PCDH11X: variants seen among roughly 807,000 people sequenced by gnomAD.
PCDH11X encodes protocadherin 11 X-linked.
Under a neutral mutation model 53.3 loss-of-function variants are expected in PCDH11X, and 18 were observed. The observed-to-expected ratio is 0.34, with a 90% CI of 0.23 to 0.50. PCDH11X has a LOEUF of 0.50. Among genes scored for constraint, PCDH11X ranks in the 20% least tolerant of loss-of-function variants. PCDH11X has a pLI of 0.98. For synonymous variants in PCDH11X, 279 were observed against 393.3 expected (o/e 0.71, Z 3.44); for missense variants, 570 against 1,032.4 (o/e 0.55, Z 6.14).
At chrX:91,841,552 T>A (rs1370235761) in intron 5 of PCDH11X, among the ~76,000 whole-genome samples, 2 of 111,297 alleles carry the variant, frequency 1.8e-5, no homozygotes, top group African/African-American at 6.5e-5. Context: ...TAAATAAAAA[T>A]AAATTTGAAC....
chrX:91,882,830 A>G lies in PCDH11X; in HGVS notation c.3033+3557A>G, dbSNP rs376116079. ...TATTTTGGTAATGCAAATTTTAACCATGAAGCATGCTTGGCAAATGAAACT... is the reference window on the plus strand; with the variant it reads ...TATTTTGGTAATGCAAATTTTAACCGTGAAGCATGCTTGGCAAATGAAACT... On this transcript the variant is annotated intron_variant, in intron 6 of 10. Transcript: ENST00000682573. The G allele has an allele frequency of 8.5e-5, 98 of 1,153,833 alleles. No homozygotes were observed. In the African/African-American group the frequency reaches 1.3e-3, roughly 15 times the overall value.
intron 6 of PCDH11X, among the ~76,000 whole-genome samples, chrX:92,102,739 C>G (rs984837821): frequency 9.0e-6 from 1 of 110,950 alleles, no homozygotes. Context: ...AGATCTAGAA[C>G]AGAATAATGG....
intron 8 of PCDH11X, among the ~76,000 whole-genome samples, chrX:92,361,670 C>T (rs981863650): frequency 1.8e-5 from 2 of 108,351 alleles, no homozygotes; most frequent in Non-Finnish European, 3.8e-5. Flanking sequence ...ATACAGATAA[C>T]ATAAAACTTA....
At chrX:92,249,706 G>T (rs2067421346) in intron 7 of PCDH11X, among the ~76,000 whole-genome samples, 1 of 112,162 alleles carries the variant, frequency 8.9e-6, no homozygotes, top group Admixed American at 9.5e-5. Context: ...TTTTGTCCCT[G>T]TTAAGCTTTG....
chrX:92,147,848 TTTC>T (rs1207515193), intron 6 of PCDH11X, among the ~76,000 whole-genome samples: 1 of 101,701 alleles, frequency 9.8e-6, no homozygotes, highest in African/African-American at 3.7e-5. Context: ...TCTTTCTTTC[TTTC>T]TTTTTTCTTT....
At chrX:91,890,082 T>C (rs1701714146) in intron 6 of PCDH11X, among the ~76,000 whole-genome samples, 1 of 104,967 alleles carries the variant, frequency 9.5e-6, no homozygotes, top group Non-Finnish European at 1.9e-5. Flanking sequence ...GAAGTTAATA[T>C]ACCTAATTGT....
intron 6 of PCDH11X, among the ~76,000 whole-genome samples, chrX:92,182,576 C>A (rs1278429703): frequency 2.7e-5 from 3 of 111,210 alleles, no homozygotes; most frequent in Non-Finnish European, 5.7e-5. Flanking sequence ...TGGGAAGGAC[C>A]CAGTGGGAAG....
At chrX:92,480,962 G>A (rs945412007) in intron 10 of PCDH11X, among the ~76,000 whole-genome samples, 4 of 110,844 alleles carry the variant, frequency 3.6e-5, no homozygotes, top group African/African-American at 9.9e-5. Context: ...TGGCTCTCTA[G>A]GATGGGGATC....
chrX:92,074,359 A>G (rs2063745196), intron 6 of PCDH11X, among the ~76,000 whole-genome samples: 1 of 110,716 alleles, frequency 9.0e-6, no homozygotes, highest in Non-Finnish European at 1.9e-5. Flanking sequence ...TCAGTTTCAT[A>G]TAGAAAATAA....
chrX:92,580,312 C>G (rs1299576357), intron 10 of PCDH11X, among the ~76,000 whole-genome samples: 1 of 107,974 alleles, frequency 9.3e-6, no homozygotes, highest in Admixed American at 9.6e-5. Context: ...ATCCGGACTG[C>G]CTGGACTTCC....
At chrX:92,084,556 A>T (rs2063919024) in intron 6 of PCDH11X, among the ~76,000 whole-genome samples, 1 of 110,062 alleles carries the variant, frequency 9.1e-6, no homozygotes, top group African/African-American at 3.3e-5. Context: ...AAAAAAAAAG[A>T]AATAGTCTAA....
chrX:92,474,892 G>T (rs147217699), intron 10 of PCDH11X, among the ~76,000 whole-genome samples: 1 of 109,134 alleles, frequency 9.2e-6, no homozygotes, highest in African/African-American at 3.4e-5. Context: ...TTGGCCGGGC[G>T]CGGTGGCTCA....
chrX:92,170,598 A>T (rs1412239405), intron 6 of PCDH11X, among the ~76,000 whole-genome samples: 27 of 109,376 alleles, frequency 2.5e-4, no homozygotes, highest in African/African-American at 8.3e-4. Flanking sequence ...CTATTTTTTT[A>T]AAATCTTTTT....
At chrX:92,205,406 G>T (rs2066457419) in intron 7 of PCDH11X, among the ~76,000 whole-genome samples, 1 of 110,646 alleles carries the variant, frequency 9.0e-6, no homozygotes, top group Non-Finnish European at 1.9e-5. Flanking sequence ...GTTTGATTAA[G>T]AAACCGTTGC....
At chrX:91,937,503 A>T (rs753482000) in intron 6 of PCDH11X, among the ~76,000 whole-genome samples, 1 of 111,405 alleles carries the variant, frequency 9.0e-6, no homozygotes, top group Non-Finnish European at 1.9e-5. Flanking sequence ...GCTGCTTGTG[A>T]AATGATTGCT....
At position 91,980,955 on chromosome X, in the gene PCDH11X, G is replaced by GTATA. The variant is rs766457156; in HGVS notation, c.3033+101697_3033+101700dup. Among the ~76,000 whole-genome samples the GTATA allele has an allele frequency of 8.1e-3, 681 of 83,599 alleles. 10 individuals carry two copies. Among genetic ancestry groups the GTATA allele is most frequent in the African/African-American group, 0.028 (627 of 22,426 alleles). 72.6% of individuals were successfully genotyped at this position (83,599 alleles called of 115,157 possible). On this transcript the variant is annotated intron_variant, in intron 6 of 10. Coordinates refer to ENST00000682573, the MANE Select transcript of PCDH11X (RefSeq NM_032968.5). The stretch of plus-strand genomic sequence containing the variant: ...TACACAGTGTATATATTTTATATAT[G>GTATA]TATATATATATATATATACACTGAA...
At chrX:92,216,203 G>C (rs1390262073) in intron 7 of PCDH11X, among the ~76,000 whole-genome samples, 1 of 111,011 alleles carries the variant, frequency 9.0e-6, no homozygotes, top group East Asian at 2.8e-4. Context: ...AAGCTGGACA[G>C]AGAATGACTT....
chrX:92,348,517 TA>T lies in PCDH11X; in HGVS notation c.3145-39217del, dbSNP rs772541891. Among the ~76,000 whole-genome samples the T allele has an allele frequency of 1.0e-4, 3 of 29,864 alleles. No individual in the cohort carries two copies. The East Asian group carries it at 8.2e-3, about 82-fold the overall frequency. The allele number at this position is 29,864 out of a possible 115,157, so 25.9% of individuals were successfully genotyped here. ...AATCAAACATCAAAATTATCATTAT[TA>T]TTATTATTATTATTATTATTATTAT... On this transcript the variant is annotated intron_variant, in intron 8 of 10. Coordinates refer to ENST00000682573, the MANE Select transcript of PCDH11X (RefSeq NM_032968.5).
chrX:91,997,130 C>T (rs1011229730), intron 6 of PCDH11X, among the ~76,000 whole-genome samples: 9 of 111,127 alleles, frequency 8.1e-5, no homozygotes, highest in Admixed American at 4.8e-4. Context: ...TTTGGTGGAT[C>T]GTTAGTGTTT....
Sources: allele counts gnomAD v4.1 joint callset (sites outside exome capture counted in the v4.1 genomes callset), GRCh38; gene constraint gnomAD v4.1.1; transcripts MANE v1.5; gene names NCBI Gene and HGNC (gene_info 2026-07-23, HGNC 2026-07-21).